Variants in LRRC37A2 observed in about 807,000 individuals in gnomAD.
The protein encoded by LRRC37A2 is leucine-rich repeat-containing protein 37A2.
LRRC37A2 carries 9 observed loss-of-function variants against 68.8 expected under a neutral mutation model. The observed-to-expected ratio is 0.13, with a 90% CI of 0.08 to 0.23. The LOEUF (loss-of-function observed/expected upper bound fraction) is 0.23, where lower values mean the gene tolerates loss of function less well. LRRC37A2 is among the 10% of genes least tolerant of loss of function. The pLI is 1.00. For synonymous variants in LRRC37A2, 63 were observed against 367.6 expected (o/e 0.17, Z 9.48); for missense variants, 168 against 950.4 (o/e 0.18, Z 10.82).
chr17:47,044,913 G>T, the LRRC37A2 span, among the ~76,000 whole-genome samples: 1 of 149,170 alleles, frequency 6.7e-6, no homozygotes, highest in South Asian at 2.2e-4. Context: ...TCATGAGGCT[G>T]AGGTGGGAGG....
At chr17:46,821,811 C>T in the LRRC37A2 span, among the ~76,000 whole-genome samples, 1 of 152,204 alleles carries the variant, frequency 6.6e-6, no homozygotes, top group Non-Finnish European at 1.5e-5. Context: ...TGCACTCCCC[C>T]GGGGCTCAGA....
At chr17:46,379,940 C>T in the LRRC37A2 span, among the ~76,000 whole-genome samples, 1 of 11,830 alleles carries the variant, frequency 8.5e-5, no homozygotes, top group Non-Finnish European at 1.6e-4. Flanking sequence ...TGCAGTGGCG[C>T]GATCTTGGCT....
At chr17:46,995,416 G>A in the LRRC37A2 span, among the ~76,000 whole-genome samples, 1 of 152,162 alleles carries the variant, frequency 6.6e-6, no homozygotes, top group Non-Finnish European at 1.5e-5. Flanking sequence ...TTATGAATAT[G>A]TTAAAGGAAA....
At chr17:46,996,006 C>T in the LRRC37A2 span, among the ~76,000 whole-genome samples, 3 of 152,148 alleles carry the variant, frequency 2.0e-5, no homozygotes, top group East Asian at 1.9e-4. Context: ...GATTCTGTTC[C>T]TTGGCTGGCC....
At chr17:46,715,985 G>T in the LRRC37A2 span, among the ~76,000 whole-genome samples, 1 of 152,042 alleles carries the variant, frequency 6.6e-6, no homozygotes, top group Non-Finnish European at 1.5e-5. Context: ...TAGAATTTTT[G>T]GTTTTCCTTG....
intron 6 of LRRC37A2, chr17:46,537,435 G>A (rs1303983330): frequency 0.012 from 3 of 244 alleles, no homozygotes; most frequent in African/African-American, 0.083. Flanking sequence ...CCAAAGTGCT[G>A]GGATTACAGG....
chr17:46,562,188 CA>C, the LRRC37A2 span, among the ~76,000 whole-genome samples: 1 of 19,254 alleles, frequency 5.2e-5, no homozygotes, highest in African/African-American at 7.9e-5. Context: ...CATGTTCACA[CA>C]TCACTGCAGT....
chr17:47,036,066 A>AACTGGATACTCTG, the LRRC37A2 span, among the ~76,000 whole-genome samples: 1 of 152,204 alleles, frequency 6.6e-6, no homozygotes, highest in East Asian at 1.9e-4. Context: ...TCTGGATATT[A>AACTGGATACTCTG]GACCTTAACA....
chr17:46,972,373 C>G, the LRRC37A2 span, among the ~76,000 whole-genome samples: 70 of 152,334 alleles, frequency 4.6e-4, no homozygotes, highest in African/African-American at 1.5e-3. Context: ...GGAAGAAGTC[C>G]CTGCAAGGAG....
the LRRC37A2 span, among the ~76,000 whole-genome samples, chr17:47,043,569 GAT>G: frequency 4.6e-5 from 7 of 151,546 alleles, no homozygotes; most frequent in African/African-American, 1.7e-4. Context: ...GTGGACAGGT[GAT>G]TACATGCAAT....
chr17:46,747,405 C>G, the LRRC37A2 span, among the ~76,000 whole-genome samples: 2 of 152,100 alleles, frequency 1.3e-5, no homozygotes, highest in African/African-American at 4.8e-5. Context: ...CTCAGGCTCC[C>G]AGGTACCTGG....
chr17:46,714,071 C>A, the LRRC37A2 span: 1 of 1,329,968 alleles, frequency 7.5e-7, no homozygotes, highest in Non-Finnish European at 1.0e-6. Flanking sequence ...TACATGTATA[C>A]ATATAAACCC....
the LRRC37A2 span, among the ~76,000 whole-genome samples, chr17:46,920,563 G>A: frequency 4.6e-5 from 7 of 152,166 alleles, no homozygotes; most frequent in African/African-American, 1.7e-4. Context: ...TGCCTTGGGA[G>A]GAATAGTAGA....
At chr17:46,858,323 T>A in the LRRC37A2 span, among the ~76,000 whole-genome samples, 1 of 152,200 alleles carries the variant, frequency 6.6e-6, no homozygotes. Context: ...CTTATTGATG[T>A]CTTATGAAGA....
the LRRC37A2 span, among the ~76,000 whole-genome samples, chr17:46,742,650 CCTTGA>C: frequency 1.3e-5 from 2 of 152,032 alleles, no homozygotes; most frequent in African/African-American, 2.4e-5. Flanking sequence ...TCAGGCAGGT[CCTTGA>C]CTTGGAGGGA....
chr17:46,796,040 CAG>C, the LRRC37A2 span, among the ~76,000 whole-genome samples: 3 of 152,024 alleles, frequency 2.0e-5, no homozygotes, highest in Non-Finnish European at 4.4e-5. Context: ...TAAAAAGAAA[CAG>C]AGGAGCTGTC....
chr17:46,711,126 A>C, the LRRC37A2 span: 2 of 1,493,920 alleles, frequency 1.3e-6, no homozygotes, highest in Non-Finnish European at 1.8e-6. Flanking sequence ...GAAGGTGAGA[A>C]TGAATGAGGA....
At chr17:46,892,668 C>A in the LRRC37A2 span, among the ~76,000 whole-genome samples, 1 of 152,172 alleles carries the variant, frequency 6.6e-6, no homozygotes, top group Non-Finnish European at 1.5e-5. Context: ...TGAAAAAATT[C>A]TTCCCCTTCT....
chr17:46,980,345 T>TTCCGTCTC, the LRRC37A2 span, among the ~76,000 whole-genome samples: 1 of 23,362 alleles, frequency 4.3e-5, no homozygotes, highest in African/African-American at 1.7e-4. Context: ...CCTTCTCTCC[T>TTCCGTCTC]TCCTTCCTTC....
Sources: allele counts gnomAD v4.1 joint callset (sites outside exome capture counted in the v4.1 genomes callset), GRCh38; gene constraint gnomAD v4.1.1; transcripts MANE v1.5; gene names NCBI Gene and HGNC (gene_info 2026-07-23, HGNC 2026-07-21).